Variants in ADGRA3 observed in about 807,000 individuals in gnomAD.
ADGRA3 encodes adhesion G protein-coupled receptor A3, also known as G-protein coupled receptor 125.
In ADGRA3, 56 loss-of-function variants were observed where a neutral mutation model predicts 119.8. The ratio of observed to expected loss-of-function variants is 0.47; its 90% confidence interval spans 0.38 to 0.58. ADGRA3 has a LOEUF of 0.58. Ranked by LOEUF, ADGRA3 falls within the 20% of genes least tolerant of loss-of-function variation. ADGRA3 has a pLI of 0.00. For missense variants in ADGRA3, 1,516 were observed against 1,649.0 expected (o/e 0.92, Z 1.40); for synonymous variants, 607 against 623.8 (o/e 0.97, Z 0.40).
chr4:22,501,395 C>CA (rs1215748381), intron 1 of ADGRA3, among the ~76,000 whole-genome samples: 1 of 151,920 alleles, frequency 6.6e-6, no homozygotes, highest in Non-Finnish European at 1.5e-5. Context: ...AACATCCCAA[C>CA]AAAAAAATAA....
intron 1 of ADGRA3, among the ~76,000 whole-genome samples, chr4:22,501,634 C>T (rs780760725): frequency 1.3e-5 from 2 of 151,946 alleles, no homozygotes; most frequent in Non-Finnish European, 2.9e-5. Flanking sequence ...GTAAAGCTGC[C>T]ACCACCTACA....
Position 22,388,181 on chromosome 4 carries a change from T to G in ADGRA3, c.3490A>C (p.Thr1164Pro). Residue 1164 changes from threonine (T) to proline (P), a missense_variant, in exon 19 of 19, where the codon ACA (threonine) becomes CCA (proline). This residue lies in a region of ADGRA3 where 1,088 missense variants were observed against 1,107.1 expected (regional missense o/e 0.98). Transcript: ENST00000334304. ...TGGTGGCGGCTTGAGTGCACATTTG[T>G]TCGAAACTGAACTTCTAAAGGCGCC... is the stretch of plus-strand genomic sequence containing the variant. ...HVAPLEVQFR[T>P]NVHSSRHHKN... 1 of 1,614,092 alleles carries G rather than the reference T, an allele frequency of 6.2e-7. No homozygotes were observed. Among genetic ancestry groups the G allele is most frequent in the Non-Finnish European group, 8.5e-7 (1 of 1,180,000 alleles).
chr4:22,485,937 G>A (rs1315614851), intron 1 of ADGRA3, among the ~76,000 whole-genome samples: 10 of 152,200 alleles, frequency 6.6e-5, no homozygotes, highest in Non-Finnish European at 1.2e-4. Flanking sequence ...CTGGCCAGGC[G>A]CTCTCATTAG....
Position 22,402,774 on chromosome 4 carries a change from G to C in ADGRA3, c.2258C>G (p.Thr753Ser), listed in dbSNP as rs763701661. The change falls in exon 15 of 19, where the codon ACC becomes AGC. Residue 753 changes from threonine to serine, a missense_variant. Physicochemically the swap from Thr to Ser is moderately conservative, Grantham distance 58. Transcript: ENST00000334304. ...AGGATGCAGGAGGCTGGCCGCCTGG[G>C]TGTATAGTTCAGATCCCGTCAAATC... ...LMDLTGSELY[T>S]QAASLLHPVV... is the part of the protein sequence containing the mutation. The C allele has an allele frequency of 6.8e-6, 11 of 1,613,584 alleles. No homozygotes were observed. The highest frequency in any genetic ancestry group is 1.3e-5 in the African/African-American group (1 of 74,900).
At chr4:22,447,405 CA>C (rs201205176) in intron 5 of ADGRA3, 34 bp downstream of exon 5, 151,668 of 889,468 alleles carry the variant, frequency 0.17, 3,371 homozygotes, top group South Asian at 0.23. Flanking sequence ...ACATGAAAAT[CA>C]AAAAAAAAAA....
intron 1 of ADGRA3, chr4:22,478,008 G>A (rs575034752): frequency 1.3e-5 from 2 of 152,186 alleles, no homozygotes; most frequent in South Asian, 2.1e-4. Flanking sequence ...AACTTTCTAG[G>A]AGGTAAGTAA....
chr4:22,454,265 T>C (rs529859572), intron 4 of ADGRA3, among the ~76,000 whole-genome samples: 1 of 152,272 alleles, frequency 6.6e-6, no homozygotes, highest in South Asian at 2.1e-4. Flanking sequence ...CAAATATAGA[T>C]AACTTAAATT....
At chr4:22,485,734 A>T (rs988966186) in intron 1 of ADGRA3, among the ~76,000 whole-genome samples, 1 of 152,244 alleles carries the variant, frequency 6.6e-6, no homozygotes, top group African/African-American at 2.4e-5. Context: ...AGATGGAGAC[A>T]CAAAAGATAC....
intron 16 of ADGRA3, among the ~76,000 whole-genome samples, chr4:22,395,349 CT>C (rs1317119454): frequency 1.3e-5 from 2 of 152,076 alleles, no homozygotes; most frequent in Non-Finnish European, 2.9e-5. Flanking sequence ...AAAAAATAAA[CT>C]TTATGATGAA....
chr4:22,429,082 T>G (rs948123126), intron 10 of ADGRA3, among the ~76,000 whole-genome samples: 2 of 152,176 alleles, frequency 1.3e-5, no homozygotes, highest in African/African-American at 4.8e-5. Context: ...TCAGGTCTCA[T>G]GCTTGATCCT....
chr4:22,430,245 C>T (rs768525865), intron 10 of ADGRA3, among the ~76,000 whole-genome samples: 10 of 152,030 alleles, frequency 6.6e-5, no homozygotes, highest in Non-Finnish European at 1.0e-4. Context: ...TAGAGTGAGG[C>T]GATGCTGAAA....
intron 1 of ADGRA3, among the ~76,000 whole-genome samples, chr4:22,499,920 T>A (rs917872172): frequency 9.2e-5 from 14 of 152,168 alleles, no homozygotes; most frequent in Non-Finnish European, 1.8e-4. Context: ...GGACCAAAAG[T>A]GTTTCTGATT....
At chr4:22,432,859 T>C (rs922373452) in intron 10 of ADGRA3, among the ~76,000 whole-genome samples, 9 of 152,320 alleles carry the variant, frequency 5.9e-5, no homozygotes, top group African/African-American at 1.7e-4. Flanking sequence ...CCCACAATAC[T>C]TTTGTTATGA....
At chr4:22,429,780 A>C (rs1226622938) in intron 10 of ADGRA3, among the ~76,000 whole-genome samples, 1 of 152,190 alleles carries the variant, frequency 6.6e-6, no homozygotes, top group Non-Finnish European at 1.5e-5. Flanking sequence ...CTACACTGGC[A>C]CTCGGCAGAA....
Position 22,413,207 on chromosome 4 carries a change from G to A in ADGRA3, c.2207C>T (p.Ser736Phe), listed in dbSNP as rs751180630. 5.0e-6 allele frequency: 8 copies of A among 1,613,542 alleles called. No individual in the cohort carries two copies. Among genetic ancestry groups the A allele is most frequent in the South Asian group, 2.2e-5 (2 of 91,068 alleles). The change falls in exon 14 of 19, where the codon TCC becomes TTC. Residue 736 changes from serine to phenylalanine, a missense_variant. Transcript: ENST00000334304. ...DENITTIQCY[S>F]LSNYAVLMDL... ...CATTAAAACTGCATAGTTACTAAGGGAGTAGCACTGAATCGTAGTGATATT... is the reference window on the plus strand; with the variant it reads ...CATTAAAACTGCATAGTTACTAAGGAAGTAGCACTGAATCGTAGTGATATT...
chr4:22,444,607 G>C (rs1716755953), intron 6 of ADGRA3, among the ~76,000 whole-genome samples: 1 of 152,096 alleles, frequency 6.6e-6, no homozygotes, highest in African/African-American at 2.4e-5. Flanking sequence ...GCTTCAAAAA[G>C]GCTGTATCGT....
At chr4:22,455,722 AT>A (rs909247303) in intron 3 of ADGRA3, 2 of 786,762 alleles carry the variant, frequency 2.5e-6, no homozygotes, top group African/African-American at 1.8e-5. Context: ...ACACAATTTT[AT>A]TTTTACATTT....
chr4:22,390,384 CGTATT>C (rs1714080101), intron 17 of ADGRA3, among the ~76,000 whole-genome samples: 1 of 23,378 alleles, frequency 4.3e-5, no homozygotes. Flanking sequence ...ATATATAATA[CGTATT>C]ATATATATAT....
intron 2 of ADGRA3, among the ~76,000 whole-genome samples, chr4:22,467,541 T>TA (rs1167803634): frequency 6.6e-6 from 1 of 152,216 alleles, no homozygotes; most frequent in Non-Finnish European, 1.5e-5. Context: ...GGAACTGAGT[T>TA]AGTTAGCTAA....
Sources: gnomAD v4.1 joint callset for allele counts (sites outside exome capture counted in the v4.1 genomes callset) on GRCh38, gnomAD v4.1.1 for gene constraint, gnomAD v4.1.1 regional missense constraint, MANE v1.5 for transcripts, NCBI Gene and HGNC (gene_info 2026-07-23, HGNC 2026-07-21) for gene names.